Variants in PSMA8 observed in about 807,000 individuals in gnomAD.
PSMA8 encodes the protein proteasome subunit alpha-type 8.
PSMA8 carries 18 observed loss-of-function variants against 32.4 expected under a neutral mutation model. That is an observed-to-expected ratio of 0.56 (90% CI 0.38 to 0.82). The LOEUF is 0.82. Ranked by LOEUF, PSMA8 falls within the 40% of genes least tolerant of loss-of-function variation. PSMA8 has a pLI of 0.00. For synonymous variants in PSMA8, 104 were observed against 98.1 expected (o/e 1.06, Z -0.36); for missense variants, 298 against 300.7 (o/e 0.99, Z 0.07).
intron 2 of PSMA8, among the ~76,000 whole-genome samples, chr18:26,151,471 A>G (rs1278607049): frequency 1.1e-4 from 17 of 152,194 alleles, no homozygotes; most frequent in Admixed American, 1.1e-3. Flanking sequence ...AGCATTCTTC[A>G]TTTTCAAACT....
chr18:26,179,832 C>T (rs1307778257), intron 6 of PSMA8, among the ~76,000 whole-genome samples: 1 of 151,722 alleles, frequency 6.6e-6, no homozygotes, highest in Non-Finnish European at 1.5e-5. Flanking sequence ...CGCCTGTAAT[C>T]CCAGCTACTC....
chr18:26,143,124 A>C (rs978531861), intron 1 of PSMA8, among the ~76,000 whole-genome samples: 12 of 152,146 alleles, frequency 7.9e-5, no homozygotes, highest in Non-Finnish European at 1.2e-4. Context: ...GCAGATTCTC[A>C]AATAACATTG....
At chr18:26,181,958 T>C (rs150709812) in intron 6 of PSMA8, among the ~76,000 whole-genome samples, 109 of 150,666 alleles carry the variant, frequency 7.2e-4, no homozygotes, top group African/African-American at 2.4e-3. Context: ...GTTACTGATA[T>C]GGAGGTTTTA....
At chr18:26,136,481 T>C (rs1023213990) in intron 1 of PSMA8, among the ~76,000 whole-genome samples, 5 of 152,210 alleles carry the variant, frequency 3.3e-5, no homozygotes, top group East Asian at 1.9e-4. Flanking sequence ...TTCACTAATA[T>C]GTGTTTCTGC....
At chr18:26,186,654 C>T (rs780568131) in intron 6 of PSMA8, among the ~76,000 whole-genome samples, 1 of 152,250 alleles carries the variant, frequency 6.6e-6, no homozygotes, top group Admixed American at 6.5e-5. Flanking sequence ...CTTCTTAAAT[C>T]ACTGACTATG....
intron 4 of PSMA8, among the ~76,000 whole-genome samples, chr18:26,178,364 C>T (rs1158873066): frequency 6.6e-6 from 1 of 152,184 alleles, no homozygotes; most frequent in Non-Finnish European, 1.5e-5. Context: ...AATCCCAACA[C>T]TTTGAGAGGC....
At chr18:26,176,205 G>T (rs2055262789) in intron 4 of PSMA8, among the ~76,000 whole-genome samples, 1 of 152,170 alleles carries the variant, frequency 6.6e-6, no homozygotes, top group South Asian at 2.1e-4. Context: ...AAGAGTTAAA[G>T]ATTTTGACAT....
chr18:26,141,844 C>T (rs2054960013), intron 1 of PSMA8, among the ~76,000 whole-genome samples: 1 of 150,284 alleles, frequency 6.7e-6, no homozygotes, highest in Admixed American at 6.7e-5. Context: ...ACACACCATG[C>T]TCGGCTAATT....
chr18:26,190,483 T>C (rs1248728401), intron 6 of PSMA8, among the ~76,000 whole-genome samples: 4 of 152,224 alleles, frequency 2.6e-5, no homozygotes, highest in African/African-American at 9.6e-5. Flanking sequence ...GCGCAGTGGC[T>C]CATGCCTGTA....
chr18:26,155,079 A>T (rs1255852037), intron 3 of PSMA8, among the ~76,000 whole-genome samples: 4 of 151,904 alleles, frequency 2.6e-5, no homozygotes, highest in South Asian at 2.1e-4. Flanking sequence ...TACAAAAAAT[A>T]AAAAAAACAG....
intron 6 of PSMA8, among the ~76,000 whole-genome samples, chr18:26,184,023 T>A (rs2055333521): frequency 6.6e-6 from 1 of 150,702 alleles, no homozygotes; most frequent in African/African-American, 2.5e-5. Flanking sequence ...GTTTTCAAAT[T>A]AAGATATGTT....
intron 6 of PSMA8, among the ~76,000 whole-genome samples, chr18:26,186,115 G>A (rs1446578086): frequency 6.6e-6 from 1 of 150,688 alleles, no homozygotes; most frequent in Admixed American, 6.6e-5. Flanking sequence ...TGGGTGTGTT[G>A]GAGGGCACCT....
chr18:26,173,238 G>A (rs2055238186), intron 4 of PSMA8, among the ~76,000 whole-genome samples: 1 of 152,044 alleles, frequency 6.6e-6, no homozygotes, highest in Non-Finnish European at 1.5e-5. Context: ...CAGCCACACT[G>A]GCCTCTTTAC....
intron 4 of PSMA8, among the ~76,000 whole-genome samples, chr18:26,163,642 G>A (rs1239965404): frequency 6.6e-6 from 1 of 152,182 alleles, no homozygotes; most frequent in Non-Finnish European, 1.5e-5. Context: ...AAGAAATGAA[G>A]TATTCAGAGG....
chr18:26,144,437 C>T (rs757045459), intron 1 of PSMA8, 122 bp from the exon 2 acceptor site: 14 of 786,208 alleles, frequency 1.8e-5, no homozygotes, highest in East Asian at 8.2e-5. Flanking sequence ...TAGAAAGTTA[C>T]TTTTCTTGTT....
chr18:26,165,420 T>G (rs2055170185), intron 4 of PSMA8, among the ~76,000 whole-genome samples: 1 of 152,228 alleles, frequency 6.6e-6, no homozygotes, highest in Admixed American at 6.5e-5. Context: ...TTCGTTGTAC[T>G]TTACACTTTT....
chr18:26,167,254 T>C (rs1028367548), intron 4 of PSMA8, among the ~76,000 whole-genome samples: 1 of 152,208 alleles, frequency 6.6e-6, no homozygotes, highest in African/African-American at 2.4e-5. Context: ...CTCCCTTTTC[T>C]AACTACATGT....
rs550726517 is a variant in PSMA8, at chr18:26,153,086, C to CG, written c.354+1104_354+1105insG. 2.4e-4 allele frequency among the ~76,000 whole-genome samples: 36 copies of CG among 152,222 alleles called. No individual in the cohort carries two copies. The South Asian group carries it at 7.5e-3, about 32-fold the overall frequency. ...CCTCAATCCATGCAGAAATACATAG[C>CG]TTAACATTAAGTATAATCATGATGT... On this transcript the variant is annotated intron_variant, in intron 3 of 6. Coordinates refer to ENST00000415576, the MANE Select transcript of PSMA8 (RefSeq NM_001025096.2).
At chr18:26,157,548 T>C (rs1000499058) in intron 3 of PSMA8, among the ~76,000 whole-genome samples, 3 of 152,182 alleles carry the variant, frequency 2.0e-5, no homozygotes, top group African/African-American at 4.8e-5. Flanking sequence ...TGGTTTCCAG[T>C]GACCCATTGT....
Sources: allele counts gnomAD v4.1 joint callset (sites outside exome capture counted in the v4.1 genomes callset), GRCh38; gene constraint gnomAD v4.1.1; transcripts MANE v1.5; gene names NCBI Gene and HGNC (gene_info 2026-07-23, HGNC 2026-07-21).